ZNF341: variants seen among roughly 807,000 people sequenced by gnomAD.
The protein encoded by ZNF341 is zinc finger protein 341.
In ZNF341, 52 loss-of-function variants were observed where a neutral mutation model predicts 87.7. That is an observed-to-expected ratio of 0.59 (90% confidence interval 0.47 to 0.75). The LOEUF (loss-of-function observed/expected upper bound fraction) is 0.75, where lower values mean the gene tolerates loss of function less well. ZNF341 is among the 30% of genes least tolerant of loss of function. ZNF341 has a pLI of 0.00. For synonymous variants in ZNF341, 459 were observed against 472.7 expected (o/e 0.97, Z 0.38); for missense variants, 977 against 1,145.9 (o/e 0.85, Z 2.13).
At chr20:33,790,950 G>C (rs775751557) in intron 14 of ZNF341, 38 bp from the exon 15 acceptor site, 1 of 1,582,226 alleles carries the variant, frequency 6.3e-7, no homozygotes, top group African/African-American at 1.3e-5. Context: ...CGGGGTGAAG[G>C]TCTGGATGCT....
intron 11 of ZNF341, among the ~76,000 whole-genome samples, chr20:33,781,920 C>G (rs1403041736): frequency 1.3e-5 from 2 of 151,804 alleles, no homozygotes; most frequent in African/African-American, 4.8e-5. Flanking sequence ...GCTTAAGGGA[C>G]CTGTCCACCT....
intron 7 of ZNF341, among the ~76,000 whole-genome samples, chr20:33,760,936 A>G (rs559201152): frequency 6.6e-6 from 1 of 152,228 alleles, no homozygotes; most frequent in East Asian, 1.9e-4. Flanking sequence ...TTACTTTATG[A>G]TAAGTGGTTT....
At chr20:33,763,657 T>C (rs1341332869) in intron 8 of ZNF341, among the ~76,000 whole-genome samples, 1 of 152,148 alleles carries the variant, frequency 6.6e-6, no homozygotes. Context: ...ATCTGTTTTC[T>C]ATATGTTGCT....
chr20:33,737,811 G>C lies in ZNF341; in HGVS notation c.32-3091G>C, dbSNP rs560288693. ...TGTCAGAAATGCAAAAATCTGAAAA[G>C]ATATCTCAAAAGGCTAATCTTAGGT... On this transcript the variant is annotated intron_variant, in intron 1 of 14. Transcript: ENST00000375200. Among the ~76,000 whole-genome samples, 3 of 152,148 alleles carry C rather than the reference G, an allele frequency of 2.0e-5. No homozygotes were observed. The South Asian group carries it at 6.2e-4, about 32-fold the overall frequency.
chr20:33,774,198 A>G (rs1275707200), intron 10 of ZNF341, among the ~76,000 whole-genome samples: 1 of 151,544 alleles, frequency 6.6e-6, no homozygotes, highest in Admixed American at 6.6e-5. Context: ...AGCCTGAGGC[A>G]GGAGAATCGC....
chr20:33,765,506 G>C (rs2019385711), intron 8 of ZNF341, among the ~76,000 whole-genome samples: 1 of 151,926 alleles, frequency 6.6e-6, no homozygotes, highest in South Asian at 2.1e-4. Flanking sequence ...AGCTTCCTGG[G>C]TAGGTGGGAC....
At chr20:33,787,767 T>G (rs893078873) in intron 12 of ZNF341, 3 of 152,292 alleles carry the variant, frequency 2.0e-5, no homozygotes, top group Non-Finnish European at 4.4e-5. Context: ...AACTTCAGTC[T>G]TCTTTCTTAT....
At chr20:33,772,911 G>T (rs1273121393) in intron 10 of ZNF341, among the ~76,000 whole-genome samples, 2 of 152,200 alleles carry the variant, frequency 1.3e-5, no homozygotes, top group Admixed American at 6.5e-5. Context: ...GGCAAGAGAG[G>T]CAGGGAAGCT....
chr20:33,785,404 A>G (rs2019833371), intron 12 of ZNF341, among the ~76,000 whole-genome samples: 2 of 152,112 alleles, frequency 1.3e-5, no homozygotes, highest in South Asian at 2.1e-4. Flanking sequence ...GTGCAATGGT[A>G]TGATCTCACT....
At chr20:33,753,574 T>G in intron 5 of ZNF341, 151 bp downstream of exon 5, 3 of 1,035,820 alleles carry the variant, frequency 2.9e-6, no homozygotes, top group Non-Finnish European at 4.0e-6. Flanking sequence ...GTGTACCACA[T>G]CACAGGGGAG....
At chr20:33,737,142 G>C (rs1371382898) in intron 1 of ZNF341, among the ~76,000 whole-genome samples, 1 of 152,126 alleles carries the variant, frequency 6.6e-6, no homozygotes, top group Non-Finnish European at 1.5e-5. Context: ...ACCATCCAAT[G>C]GGTTCATTTT....
chr20:33,757,395 A>C, intron 6 of ZNF341, 52 bp downstream of exon 6: 5 of 1,377,052 alleles, frequency 3.6e-6, no homozygotes, highest in Non-Finnish European at 4.8e-6. Flanking sequence ...GCCAATCCAC[A>C]AGCTACTTGG....
At chr20:33,752,235 T>C in intron 4 of ZNF341, 2 of 579,698 alleles carry the variant, frequency 3.5e-6, no homozygotes, top group Non-Finnish European at 6.8e-6. Context: ...GTAACCAAAG[T>C]ATAGAGCTTA....
intron 10 of ZNF341, among the ~76,000 whole-genome samples, chr20:33,774,236 G>A (rs971679276): frequency 4.6e-5 from 7 of 152,012 alleles, no homozygotes; most frequent in African/African-American, 1.2e-4. Flanking sequence ...AGGTTGCAGT[G>A]AGCCAAGATT....
intron 8 of ZNF341, among the ~76,000 whole-genome samples, chr20:33,763,869 T>A (rs2019343679): frequency 6.6e-6 from 1 of 151,860 alleles, no homozygotes; most frequent in Admixed American, 6.6e-5. Context: ...AACAGAAATA[T>A]AGTATGAACA....
intron 1 of ZNF341, among the ~76,000 whole-genome samples, chr20:33,733,588 G>T (rs1744230758): frequency 6.6e-6 from 1 of 151,676 alleles, no homozygotes; most frequent in Non-Finnish European, 1.5e-5. Context: ...GGCCAGATTG[G>T]TCTTGAACTC....
chr20:33,764,561 A>ATATATATATATTTTT (rs1266929824), intron 8 of ZNF341, among the ~76,000 whole-genome samples: 1 of 28,410 alleles, frequency 3.5e-5, no homozygotes, highest in African/African-American at 1.1e-4. Flanking sequence ...ATATATATAT[A>ATATATATATATTTTT]TTTTTTTTTT....
rs543086198 is a variant in ZNF341 at position 33,733,071 on chromosome 20, G to A, written c.31+1019G>A. ...CTGCACTTTTTAATTTTTTGAGACG[G>A]AGTCTCACTCTGTCGCCCAGGCTGG... On this transcript the variant is annotated intron_variant, in intron 1 of 14. Transcript: ENST00000375200. Among the ~76,000 whole-genome samples the A allele has an allele frequency of 2.2e-3, 341 of 152,226 alleles. 1 individual carries two copies. The highest frequency in any genetic ancestry group is 7.8e-3 in the African/African-American group (324 of 41,530).
chr20:33,755,647 C>CA (rs1453291367), intron 5 of ZNF341, among the ~76,000 whole-genome samples: 2 of 142,760 alleles, frequency 1.4e-5, no homozygotes, highest in Admixed American at 1.5e-4. Context: ...GGCTGGAGTG[C>CA]AATGGCATGA....
Sources: gnomAD v4.1 joint callset for allele counts (sites outside exome capture counted in the v4.1 genomes callset) on GRCh38, gnomAD v4.1.1 for gene constraint, MANE v1.5 for transcripts, NCBI Gene and HGNC (gene_info 2026-07-23, HGNC 2026-07-21) for gene names.